The following HSPA12A variants were observed in gnomAD, a reference collection of about 807,000 sequenced individuals.
HSPA12A encodes heat shock 70 kDa protein 12A.
In HSPA12A, 28 loss-of-function variants were observed where a neutral mutation model predicts 69.2. The ratio of observed to expected loss-of-function variants is 0.40; its 90% CI spans 0.30 to 0.55. The LOEUF (loss-of-function observed/expected upper bound fraction) is 0.55, where lower values mean the gene tolerates loss of function less well. HSPA12A is among the 20% of genes least tolerant of loss of function. The probability of loss-of-function intolerance (pLI) is 0.38; values close to 1 mark genes in which losing one functional copy is unlikely to be tolerated. For missense variants in HSPA12A, 686 were observed against 900.7 expected (o/e 0.76, Z 3.05); for synonymous variants, 345 against 370.5 (o/e 0.93, Z 0.79).
intron 2 of HSPA12A, chr10:116,830,132 T>C (rs1001718000): frequency 6.6e-6 from 1 of 152,192 alleles, no homozygotes; most frequent in African/African-American, 2.4e-5. Context: ...TCAAGAACAC[T>C]ATTCTAGCCA....
At chr10:116,684,429 A>T (rs1292789021) in intron 6 of HSPA12A, among the ~76,000 whole-genome samples, 1 of 152,162 alleles carries the variant, frequency 6.6e-6, no homozygotes, top group Non-Finnish European at 1.5e-5. Context: ...GGTCTGACCA[A>T]ATCGGAGCAA....
chr10:116,831,159 T>C (rs1424460484), intron 2 of HSPA12A: 3 of 152,212 alleles, frequency 2.0e-5, no homozygotes, highest in South Asian at 4.1e-4. Context: ...GCACTTACAC[T>C]TACTGGAACC....
At chr10:116,843,419 A>G (rs1196742327) in intron 1 of HSPA12A, among the ~76,000 whole-genome samples, 1 of 152,236 alleles carries the variant, frequency 6.6e-6, no homozygotes, top group Non-Finnish European at 1.5e-5. Context: ...TTTCTTGGTC[A>G]TAACACCACC....
chr10:116,680,439 T>G (rs1384135903), intron 9 of HSPA12A, among the ~76,000 whole-genome samples: 4 of 152,210 alleles, frequency 2.6e-5, no homozygotes, highest in African/African-American at 9.7e-5. Flanking sequence ...CTCTAATTAC[T>G]TATTATCCTT....
chr10:116,725,413 C>T lies in HSPA12A; in HGVS notation c.40+17017G>A, dbSNP rs56899090. On this transcript the variant is annotated intron_variant, in intron 1 of 11. Coordinates refer to ENST00000369209, the MANE Select transcript of HSPA12A (RefSeq NM_025015.3). ...GGTCAGCATCCCAGTGTTGTTCAGT[C>T]GCCAGATTTGAAAAGAAGCCTGAAG... Among the ~76,000 whole-genome samples, 555 of 152,196 alleles carry T rather than the reference C, an allele frequency of 3.6e-3. 5 individuals carry two copies. Among genetic ancestry groups the T allele is most frequent in the African/African-American group, 0.013 (529 of 41,526 alleles).
At chr10:116,775,810 C>T (rs1056220420) in intron 2 of HSPA12A, among the ~76,000 whole-genome samples, 1 of 152,148 alleles carries the variant, frequency 6.6e-6, no homozygotes, top group African/African-American at 2.4e-5. Flanking sequence ...CCTAATCCTG[C>T]AGCCCCTATG....
chr10:116,705,070 A>C, intron 3 of HSPA12A, 81 bp downstream of exon 3: 1 of 1,558,726 alleles, frequency 6.4e-7, no homozygotes, highest in Admixed American at 1.7e-5. Context: ...CGTAAGTGCC[A>C]ATCACTGGCT....
At chr10:116,789,815 G>A (rs1009536382) in intron 2 of HSPA12A, among the ~76,000 whole-genome samples, 2 of 152,114 alleles carry the variant, frequency 1.3e-5, no homozygotes, top group African/African-American at 4.8e-5. Flanking sequence ...ATTATCTCTG[G>A]CCATGCTTCA....
intron 2 of HSPA12A, among the ~76,000 whole-genome samples, chr10:116,762,031 G>C (rs1306491813): frequency 6.6e-6 from 1 of 152,222 alleles, no homozygotes; most frequent in African/African-American, 2.4e-5. Context: ...CGACAGCCCA[G>C]TTTTTTGCAG....
rs551031991 is a variant in HSPA12A at position 116,800,156 on chromosome 10, G to C, written c.91+34779C>G. Among the ~76,000 whole-genome samples, 81 of 152,300 alleles carry C rather than the reference G, an allele frequency of 5.3e-4. 1 individual carries two copies. Among genetic ancestry groups the C allele is most frequent in the African/African-American group, 1.9e-3 (79 of 41,556 alleles). ...GGGCAACTGGCTTCTTGCCAATACA[G>C]GGTTCAGGTGAAAGCTATGGATGGC... On this transcript the variant is annotated intron_variant, in intron 2 of 12. Coordinates refer to the HSPA12A transcript ENST00000635765.
intron 2 of HSPA12A, among the ~76,000 whole-genome samples, chr10:116,752,899 C>T (rs782451234): frequency 6.6e-6 from 1 of 152,214 alleles, no homozygotes; most frequent in Non-Finnish European, 1.5e-5. Flanking sequence ...TTACCTATAG[C>T]CCACTCTCAG....
intron 2 of HSPA12A, among the ~76,000 whole-genome samples, chr10:116,767,835 A>G (rs1554889930): frequency 6.6e-6 from 1 of 152,184 alleles, no homozygotes; most frequent in Non-Finnish European, 1.5e-5. Context: ...TCTCGGCACT[A>G]TGTTCCCTAA....
intron 2 of HSPA12A, among the ~76,000 whole-genome samples, 171 bp downstream of exon 2, chr10:116,707,029 G>A (rs1245234544): frequency 1.3e-5 from 2 of 152,192 alleles, no homozygotes; most frequent in Non-Finnish European, 2.9e-5. Context: ...CCTTTGGCCA[G>A]GACCAGGTCA....
At chr10:116,741,604 G>A (rs561752363) in intron 1 of HSPA12A, among the ~76,000 whole-genome samples, 1 of 152,340 alleles carries the variant, frequency 6.6e-6, no homozygotes, top group African/African-American at 2.4e-5. Flanking sequence ...CGTGGGAGAA[G>A]CCTTGATTTA....
intron 2 of HSPA12A, among the ~76,000 whole-genome samples, chr10:116,772,263 G>A (rs905172812): frequency 1.3e-5 from 2 of 152,148 alleles, no homozygotes; most frequent in Non-Finnish European, 2.9e-5. Flanking sequence ...TGGAGGAGCT[G>A]ATCTTGGATC....
chr10:116,800,978 G>A (rs1411501312), intron 2 of HSPA12A, among the ~76,000 whole-genome samples: 10 of 152,198 alleles, frequency 6.6e-5, no homozygotes, highest in Non-Finnish European at 1.2e-4. Flanking sequence ...AACTCTGTCC[G>A]CCTGCAATTT....
intron 1 of HSPA12A, among the ~76,000 whole-genome samples, chr10:116,739,931 T>C (rs1851429115): frequency 1.3e-5 from 2 of 152,046 alleles, no homozygotes; most frequent in Non-Finnish European, 2.9e-5. Flanking sequence ...GGCCAGCCTT[T>C]CTGACACCAC....
At chr10:116,849,969 A>G, upstream of HSPA12A, 1 of 679,998 alleles carries the variant, frequency 1.5e-6, no homozygotes, top group Non-Finnish European at 2.7e-6. Context: ...AGAGGGCGCT[A>G]GGCGTATTTG....
intron 2 of HSPA12A, among the ~76,000 whole-genome samples, chr10:116,795,528 A>AAG (rs1844799849): frequency 6.6e-6 from 1 of 150,546 alleles, no homozygotes; most frequent in Non-Finnish European, 1.5e-5. Context: ...AAAAAAAAAA[A>AAG]TACAAAAATT....
Sources: allele counts gnomAD v4.1 joint callset (sites outside exome capture counted in the v4.1 genomes callset), GRCh38; gene constraint gnomAD v4.1.1; transcripts MANE v1.5; gene names NCBI Gene and HGNC (gene_info 2026-07-23, HGNC 2026-07-21).